Variants in MEI1 observed in about 807,000 individuals in gnomAD.
MEI1 encodes meiosis inhibitor protein 1.
MEI1 carries 103 observed loss-of-function variants against 146.2 expected under a neutral mutation model. The observed-to-expected ratio is 0.70, with a 90% CI of 0.60 to 0.83. The LOEUF (loss-of-function observed/expected upper bound fraction) is 0.83, where lower values mean the gene tolerates loss of function less well. Ranked by LOEUF, MEI1 falls within the 40% of genes least tolerant of loss-of-function variation. The pLI, the probability that MEI1 is intolerant of heterozygous loss-of-function variation, is 0.00. For synonymous variants in MEI1, 652 were observed against 628.2 expected (o/e 1.04, Z -0.57); for missense variants, 1,529 against 1,533.0 (o/e 1.00, Z 0.04).
intron 24 of MEI1, among the ~76,000 whole-genome samples, chr22:41,783,865 T>C (rs1279781753): frequency 1.3e-5 from 2 of 152,104 alleles, no homozygotes; most frequent in Non-Finnish European, 2.9e-5. Flanking sequence ...TATTTTCTTG[T>C]AGAGATGGGT....
intron 5 of MEI1, among the ~76,000 whole-genome samples, chr22:41,716,745 A>G (rs2070238104): frequency 7.3e-6 from 1 of 137,008 alleles, no homozygotes; most frequent in Non-Finnish European, 1.5e-5. Flanking sequence ...GCTGGAGTGC[A>G]GTGGCGCGAT....
intron 11 of MEI1, among the ~76,000 whole-genome samples, chr22:41,736,403 C>A (rs901845036): frequency 1.3e-5 from 2 of 151,948 alleles, no homozygotes; most frequent in African/African-American, 4.8e-5. Flanking sequence ...GTGCCTGCCA[C>A]CATCCCTGGC....
At chr22:41,751,395 C>T (rs2073740147) in intron 15 of MEI1, among the ~76,000 whole-genome samples, 1 of 152,128 alleles carries the variant, frequency 6.6e-6, no homozygotes, top group Non-Finnish European at 1.5e-5. Flanking sequence ...CCAGGGAAGG[C>T]AGAACAGAGG....
chr22:41,705,226 C>T (rs2069000058), intron 2 of MEI1, among the ~76,000 whole-genome samples: 1 of 148,170 alleles, frequency 6.7e-6, no homozygotes, highest in African/African-American at 2.5e-5. Flanking sequence ...GGCTGGAGTG[C>T]AGTGGTGCAG....
intron 22 of MEI1, among the ~76,000 whole-genome samples, chr22:41,779,692 C>T (rs2075657499): frequency 6.6e-6 from 1 of 152,134 alleles, no homozygotes; most frequent in Admixed American, 6.5e-5. Context: ...ACACAGTAGA[C>T]CTTCAACAGA....
At chr22:41,757,172 G>A (rs1476491184) in intron 17 of MEI1, among the ~76,000 whole-genome samples, 1 of 152,230 alleles carries the variant, frequency 6.6e-6, no homozygotes, top group Admixed American at 6.5e-5. Flanking sequence ...TCGGCTCACT[G>A]CAGGCTCCGC....
intron 3 of MEI1, 130 bp downstream of exon 3, chr22:41,705,684 C>A: frequency 2.9e-6 from 2 of 679,770 alleles, no homozygotes; most frequent in Non-Finnish European, 5.2e-6. Flanking sequence ...AGTTTTCAAT[C>A]ACTAATTCAA....
intron 6 of MEI1, among the ~76,000 whole-genome samples, chr22:41,719,731 C>G (rs1323448398): frequency 1.3e-5 from 2 of 152,046 alleles, no homozygotes; most frequent in African/African-American, 2.4e-5. Context: ...CTTTAGAAGC[C>G]CCAACATACC....
At chr22:41,702,642 T>A (rs1323651774) in intron 1 of MEI1, among the ~76,000 whole-genome samples, 1 of 151,798 alleles carries the variant, frequency 6.6e-6, no homozygotes, top group East Asian at 1.9e-4. Flanking sequence ...ACCGGGTTTC[T>A]CCATGTTGGT....
At chr22:41,799,192 G>A (rs759137889) in intron 30 of MEI1, 62 bp from the exon 31 acceptor site, 134 of 1,521,028 alleles carry the variant, frequency 8.8e-5, no homozygotes, top group African/African-American at 1.2e-4. Context: ...GGCTCTGGAA[G>A]TGTGATGCCC....
intron 26 of MEI1, among the ~76,000 whole-genome samples, chr22:41,785,779 G>A (rs1249669884): frequency 6.7e-6 from 1 of 149,052 alleles, no homozygotes; most frequent in Non-Finnish European, 1.5e-5. Context: ...GGTCAGGCTG[G>A]TCTCGAACTC....
At chr22:41,746,169 C>T in intron 14 of MEI1, 143 bp downstream of exon 14, 1 of 633,006 alleles carries the variant, frequency 1.6e-6, no homozygotes. Context: ...TGCTACCTTT[C>T]CTTTGTTCTA....
At chr22:41,781,460 T>G (rs2075753899) in intron 23 of MEI1, 66 bp downstream of exon 23, 4 of 1,370,760 alleles carry the variant, frequency 2.9e-6, no homozygotes, top group South Asian at 2.5e-5. Context: ...TATCTCAACT[T>G]TTTCATCTTA....
chr22:41,783,293 C>G (rs2075831831), intron 24 of MEI1, among the ~76,000 whole-genome samples: 1 of 151,972 alleles, frequency 6.6e-6, no homozygotes, highest in Admixed American at 6.6e-5. Flanking sequence ...ACAGAGTTCC[C>G]TGTTATTTTA....
intron 12 of MEI1, among the ~76,000 whole-genome samples, chr22:41,743,472 G>A (rs1003796041): frequency 2.0e-5 from 3 of 152,180 alleles, no homozygotes; most frequent in Non-Finnish European, 1.5e-5. Context: ...GTAAATTCCA[G>A]GGTGTTTTTA....
At chr22:41,784,954 G>A (rs1020530895) in intron 26 of MEI1, among the ~76,000 whole-genome samples, 171 bp downstream of exon 26, 2 of 115,042 alleles carry the variant, frequency 1.7e-5, no homozygotes, top group Admixed American at 1.7e-4. Flanking sequence ...TATTTATTTA[G>A]AGACAGAGTT....
chr22:41,713,759 G>A (rs1235454468), intron 3 of MEI1, among the ~76,000 whole-genome samples: 1 of 152,176 alleles, frequency 6.6e-6, no homozygotes, highest in Non-Finnish European at 1.5e-5. Context: ...TGTTGGTCAG[G>A]CTGGTCTCAA....
chr22:41,789,950 A>C (rs2076118209), intron 26 of MEI1, among the ~76,000 whole-genome samples: 1 of 151,848 alleles, frequency 6.6e-6, no homozygotes, highest in Non-Finnish European at 1.5e-5. Flanking sequence ...TCACTGTCAC[A>C]CTCTCGAGAA....
intron 5 of MEI1, among the ~76,000 whole-genome samples, 172 bp downstream of exon 5, chr22:41,716,318 G>GT (rs1239665628): frequency 1.4e-5 from 2 of 140,258 alleles, no homozygotes; most frequent in Admixed American, 7.8e-5. Context: ...AAAAAGGTCA[G>GT]TTTTTTGACT....
Sources: allele counts gnomAD v4.1 joint callset (sites outside exome capture counted in the v4.1 genomes callset), GRCh38; gene constraint gnomAD v4.1.1; transcripts MANE v1.5; gene names NCBI Gene and HGNC (gene_info 2026-07-23, HGNC 2026-07-21).